Variants in DPP10 observed in about 807,000 individuals in gnomAD.
DPP10 encodes the protein dipeptidyl peptidase like 10.
In DPP10, 33 loss-of-function variants were observed where a neutral mutation model predicts 120.9. The ratio of observed to expected loss-of-function variants is 0.27; its 90% CI spans 0.21 to 0.37. DPP10 has a LOEUF of 0.37. Among genes scored for constraint, DPP10 ranks in the 10% least tolerant of loss-of-function variants. DPP10 has a pLI of 1.00. For missense variants in DPP10, 816 were observed against 942.8 expected (o/e 0.87, Z 1.76); for synonymous variants, 337 against 326.1 (o/e 1.03, Z -0.36).
chr2:114,728,624 G>A (rs1186559311), intron 1 of DPP10, among the ~76,000 whole-genome samples: 1 of 152,102 alleles, frequency 6.6e-6, no homozygotes, highest in East Asian at 1.9e-4. Flanking sequence ...TTTGGAGAGG[G>A]TTCACTAGAT....
intron 1 of DPP10, among the ~76,000 whole-genome samples, chr2:114,586,634 G>A (rs1008988752): frequency 3.9e-5 from 6 of 152,178 alleles, no homozygotes; most frequent in African/African-American, 9.7e-5. Flanking sequence ...GTTTGTATAC[G>A]GTTTGTTTGG....
At chr2:115,308,928 T>G (rs185075641) in intron 1 of DPP10, among the ~76,000 whole-genome samples, 1 of 152,102 alleles carries the variant, frequency 6.6e-6, no homozygotes, top group Non-Finnish European at 1.5e-5. Flanking sequence ...TCGCTCTATT[T>G]CAATAATTAT....
chr2:114,495,060 G>C (rs1336770514), intron 1 of DPP10, among the ~76,000 whole-genome samples: 1 of 152,062 alleles, frequency 6.6e-6, no homozygotes, highest in African/African-American at 2.4e-5. Flanking sequence ...ATTTGGGAGA[G>C]GAACAAGTAT....
chr2:114,475,638 C>T (rs563209045), intron 1 of DPP10, among the ~76,000 whole-genome samples: 3 of 152,286 alleles, frequency 2.0e-5, no homozygotes, highest in East Asian at 3.9e-4. Context: ...TTAAAGACTG[C>T]AGCTCATTCT....
chr2:115,004,041 C>A (rs1186235407), intron 1 of DPP10, among the ~76,000 whole-genome samples: 1 of 152,170 alleles, frequency 6.6e-6, no homozygotes, highest in Non-Finnish European at 1.5e-5. Context: ...ACAACTTACT[C>A]AACATCTGAA....
At chr2:114,680,668 A>G (rs1301910345) in intron 1 of DPP10, among the ~76,000 whole-genome samples, 3 of 152,004 alleles carry the variant, frequency 2.0e-5, no homozygotes, top group Non-Finnish European at 4.4e-5. Flanking sequence ...CAAATGGCCT[A>G]ATGAATATAG....
intron 1 of DPP10, among the ~76,000 whole-genome samples, chr2:114,751,301 T>A (rs1296147733): frequency 1.3e-5 from 2 of 152,210 alleles, no homozygotes; most frequent in Non-Finnish European, 2.9e-5. Flanking sequence ...TATATACAAG[T>A]GCTTTTGCTA....
chr2:114,769,956 C>T (rs1352914371), intron 1 of DPP10, among the ~76,000 whole-genome samples: 1 of 152,160 alleles, frequency 6.6e-6, no homozygotes, highest in African/African-American at 2.4e-5. Flanking sequence ...GACTCCACGC[C>T]TGACACAGAC....
At chr2:115,532,298 A>G (rs1487634247) in intron 5 of DPP10, among the ~76,000 whole-genome samples, 1 of 151,984 alleles carries the variant, frequency 6.6e-6, no homozygotes, top group Non-Finnish European at 1.5e-5. Context: ...ATATTAACTA[A>G]CTTCCTCAAG....
intron 1 of DPP10, among the ~76,000 whole-genome samples, chr2:114,467,037 CAAA>C (rs35956526): frequency 2.2e-5 from 3 of 136,704 alleles, no homozygotes; most frequent in Non-Finnish European, 1.6e-5. Context: ...ACTCCATATC[CAAA>C]AAAAAAAAAA....
chr2:114,473,210 G>A (rs551414534), intron 1 of DPP10, among the ~76,000 whole-genome samples: 1 of 152,074 alleles, frequency 6.6e-6, no homozygotes, highest in African/African-American at 2.4e-5. Flanking sequence ...ACAATAGAAG[G>A]CATTTAAGAG....
chr2:115,265,827 C>G (rs1241817104), intron 1 of DPP10, among the ~76,000 whole-genome samples: 2 of 151,968 alleles, frequency 1.3e-5, no homozygotes, highest in East Asian at 3.9e-4. Context: ...GCCTGTAGTC[C>G]CAGCTACTGG....
chr2:114,508,999 A>G (rs1225835612), intron 1 of DPP10, among the ~76,000 whole-genome samples: 1 of 152,212 alleles, frequency 6.6e-6, no homozygotes, highest in Non-Finnish European at 1.5e-5. Context: ...GTGAGGAAAG[A>G]GACAGCGAGA....
At chr2:114,927,801 CACTG>C (rs1008388091) in intron 1 of DPP10, among the ~76,000 whole-genome samples, 1 of 152,186 alleles carries the variant, frequency 6.6e-6, no homozygotes, top group African/African-American at 2.4e-5. Flanking sequence ...AGACGCATGA[CACTG>C]GCATCCATAT....
intron 5 of DPP10, among the ~76,000 whole-genome samples, chr2:115,687,271 G>T (rs1235920791): frequency 6.6e-6 from 1 of 151,836 alleles, no homozygotes; most frequent in Non-Finnish European, 1.5e-5. Context: ...TCAAGATTTT[G>T]CCCTCCCCCA....
chr2:114,858,676 T>C (rs1481103139), intron 1 of DPP10, among the ~76,000 whole-genome samples: 6 of 152,224 alleles, frequency 3.9e-5, no homozygotes, highest in South Asian at 2.1e-4. Context: ...GTGGGTGTTA[T>C]AGTTGTGAGT....
At chr2:115,062,892 T>A (rs557280650) in intron 1 of DPP10, among the ~76,000 whole-genome samples, 1 of 152,330 alleles carries the variant, frequency 6.6e-6, no homozygotes, top group South Asian at 2.1e-4. Context: ...TTATATTTCA[T>A]TGGGTATATA....
intron 1 of DPP10, among the ~76,000 whole-genome samples, chr2:114,765,307 C>G (rs1293582510): frequency 6.6e-6 from 1 of 152,146 alleles, no homozygotes; most frequent in East Asian, 1.9e-4. Context: ...CATAGATTCA[C>G]TCAATTTTTT....
At chr2:114,864,917 A>G (rs1296451893) in intron 1 of DPP10, among the ~76,000 whole-genome samples, 1 of 152,172 alleles carries the variant, frequency 6.6e-6, no homozygotes, top group Non-Finnish European at 1.5e-5. Flanking sequence ...CGGTAATCCT[A>G]ATAATAACGT....
Sources: allele counts gnomAD v4.1 joint callset (sites outside exome capture counted in the v4.1 genomes callset), GRCh38; gene constraint gnomAD v4.1.1; transcripts MANE v1.5; gene names NCBI Gene and HGNC (gene_info 2026-07-23, HGNC 2026-07-21).